The following RBBP7 variants were observed in gnomAD, a reference collection of about 807,000 sequenced individuals.
RBBP7 encodes RB binding protein 7, chromatin remodeling factor, also known as histone-binding protein RBBP7.
RBBP7 carries 5 observed loss-of-function variants against 35.2 expected under a neutral mutation model. That is an observed-to-expected ratio of 0.14 (90% CI 0.07 to 0.30). The LOEUF (loss-of-function observed/expected upper bound fraction) is 0.30. Ranked by LOEUF, RBBP7 falls within the 10% of genes least tolerant of loss-of-function variation. RBBP7 has a pLI of 1.00. For missense variants in RBBP7, 155 were observed against 327.5 expected, an observed-to-expected ratio of 0.47 and a Z score of 4.07; for synonymous variants, 140 against 118.7, an observed-to-expected ratio of 1.18 and a Z score of -1.17.
intron 9 of RBBP7, among the ~76,000 whole-genome samples, chrX:16,851,092 C>A (rs182247299): frequency 9.6e-6 from 1 of 103,936 alleles, no homozygotes; most frequent in Non-Finnish European, 2.0e-5. Flanking sequence ...CCACTGCACT[C>A]CAGCCTGCGT....
chrX:16,851,541 G>A (rs1333231158), intron 9 of RBBP7, among the ~76,000 whole-genome samples: 2 of 111,768 alleles, frequency 1.8e-5, no homozygotes, highest in Admixed American at 9.5e-5. Flanking sequence ...AGGCCCCAGA[G>A]AACATAAGCT....
intron 5 of RBBP7, 48 bp from the exon 6 acceptor site, chrX:16,853,890 T>C (rs1458938138): frequency 1.1e-6 from 1 of 943,232 alleles, no homozygotes. Context: ...TATAAGAGAC[T>C]GATTTTTTTT....
intron 4 of RBBP7, among the ~76,000 whole-genome samples, chrX:16,858,314 C>T (rs1381348342): frequency 8.9e-6 from 1 of 111,826 alleles, no homozygotes; most frequent in African/African-American, 3.3e-5. Context: ...AATGGGCTGC[C>T]CTGGGTAGAG....
At chrX:16,863,450 T>A (rs1014935115) in intron 2 of RBBP7, among the ~76,000 whole-genome samples, 1 of 111,089 alleles carries the variant, frequency 9.0e-6, no homozygotes, top group South Asian at 3.8e-4. Flanking sequence ...CCACCAACAA[T>A]CCCCACACTC....
intron 5 of RBBP7, among the ~76,000 whole-genome samples, chrX:16,855,627 T>C (rs1336589180): frequency 1.8e-5 from 2 of 110,789 alleles, no homozygotes; most frequent in Non-Finnish European, 3.8e-5. Flanking sequence ...CAGCCTGGTC[T>C]CTTCAAAAGG....
intron 11 of RBBP7, among the ~76,000 whole-genome samples, chrX:16,845,410 C>T (rs1322069909): frequency 8.9e-6 from 1 of 112,156 alleles, no homozygotes; most frequent in East Asian, 2.8e-4. Context: ...ATGGAAGTCT[C>T]GGTTAACAAC....
rs751959526 is a variant in RBBP7, at chrX:16,859,817, C to T, written c.308-968G>A. On this transcript the variant is annotated intron_variant, in intron 3 of 11. Coordinates refer to ENST00000380087, the MANE Select transcript of RBBP7 (RefSeq NM_002893.4). The stretch of plus-strand genomic sequence containing the variant: ...TAAAATAGACCGGGGCCTGGAGCAA[C>T]CACCAAAAGGAGCAAACCATTTCTC... Among the ~76,000 whole-genome samples the T allele has an allele frequency of 2.2e-3, 243 of 111,427 alleles. 1 individual carries two copies. The highest frequency in any genetic ancestry group is 7.0e-3 in the African/African-American group (215 of 30,586).
intron 10 of RBBP7, chrX:16,848,040 G>A (rs1292304976): frequency 8.9e-6 from 1 of 112,192 alleles, no homozygotes; most frequent in Middle Eastern, 4.2e-3. Flanking sequence ...TGTACTATGT[G>A]AAAGAATCAG....
At chrX:16,868,484 T>C (rs1216263316) in intron 2 of RBBP7, among the ~76,000 whole-genome samples, 2 of 112,353 alleles carry the variant, frequency 1.8e-5, no homozygotes, top group African/African-American at 6.5e-5. Context: ...TGCCAGGCCC[T>C]GTTCTGAGTG....
intron 4 of RBBP7, 73 bp downstream of exon 4, chrX:16,858,603 T>C: frequency 8.6e-7 from 1 of 1,163,896 alleles, no homozygotes; most frequent in Non-Finnish European, 1.1e-6. Context: ...GTATGCTACT[T>C]TGACCTTAAA....
rs183180619 is a variant in RBBP7, at chrX:16,850,676, G to A, written c.1040+1370C>T. 1.8e-4 allele frequency among the ~76,000 whole-genome samples: 20 copies of A among 112,382 alleles called. No homozygotes were observed. The East Asian group carries it at 5.5e-3, about 31-fold the overall frequency. ...ACATACAAGCATTTTATTCTCCAGC[G>A]TCTCTTCTATATACTGAGGATTACT... On this transcript the variant is annotated intron_variant, in intron 9 of 11. Coordinates refer to ENST00000380087, the MANE Select transcript of RBBP7 (RefSeq NM_002893.4).
chrX:16,852,531 A>C lies in RBBP7; in HGVS notation c.963+20T>G. 8.3e-7 allele frequency: 1 copy of C among 1,201,873 alleles called. No individual in the cohort carries two copies. The highest frequency in any genetic ancestry group is 1.1e-6 in the Non-Finnish European group (1 of 886,235). On this transcript the variant is annotated intron_variant, in intron 8 of 11. Coordinates refer to ENST00000380087, the MANE Select transcript of RBBP7 (RefSeq NM_002893.4). The stretch of plus-strand genomic sequence containing the variant: ...GGATTTCATTTCCTGACATACAGAC[A>C]CCAGAAAACTGTCACATACCTGGAA...
chrX:16,869,337 G>C, intron 1 of RBBP7, 117 bp from the exon 2 acceptor site: 2 of 1,063,570 alleles, frequency 1.9e-6, no homozygotes. Flanking sequence ...CTCTAATTTG[G>C]ACACGGACAA....
At chrX:16,854,985 GT>G (rs150641871) in intron 5 of RBBP7, among the ~76,000 whole-genome samples, 4,517 of 93,800 alleles carry the variant, frequency 0.048, 230 homozygotes, top group African/African-American at 0.14. Context: ...ACTGGTATGG[GT>G]TTTTTTTTTT....
chrX:16,853,550 G>A (rs1297231465), intron 6 of RBBP7, 132 bp downstream of exon 6: 2 of 529,431 alleles, frequency 3.8e-6, no homozygotes, highest in Non-Finnish European at 5.5e-6. Flanking sequence ...TGAGATTACA[G>A]GAGTAAGCTA....
At chrX:16,859,040 C>T (rs891308494) in intron 3 of RBBP7, among the ~76,000 whole-genome samples, 191 bp from the exon 4 acceptor site, 4 of 112,352 alleles carry the variant, frequency 3.6e-5, no homozygotes, top group Non-Finnish European at 7.5e-5. Context: ...TCTTAAAGCC[C>T]ATTTGCACTG....
Position 16,870,141 on chromosome X carries a change from C to T in RBBP7, c.-88G>A, listed in dbSNP as rs1297461718. On this transcript the variant is annotated 5_prime_UTR_variant, in exon 1 of 12. Coordinates refer to ENST00000380087, the MANE Select transcript of RBBP7 (RefSeq NM_002893.4). ...CCGACCGCTGGCGCTCCTGCCTTTC[C>T]CAAGCGCGTCACACTCCCCACTGTC... 206 of 1,005,593 alleles carry T rather than the reference C, an allele frequency of 2.0e-4. No individual in the cohort carries two copies. The highest frequency in any genetic ancestry group is 2.6e-4 in the Non-Finnish European group (202 of 782,219). The allele number at this position is 1,005,593 out of a possible 1,213,427, so 82.9% of individuals were successfully genotyped here.
chrX:16,866,772 G>C (rs1930635548), intron 2 of RBBP7, among the ~76,000 whole-genome samples: 1 of 109,747 alleles, frequency 9.1e-6, no homozygotes, highest in South Asian at 3.9e-4. Context: ...TTACTGTTCT[G>C]TATGGTGATA....
intron 5 of RBBP7, among the ~76,000 whole-genome samples, chrX:16,855,055 T>C (rs372706705): frequency 4.9e-3 from 180 of 37,024 alleles, no homozygotes; most frequent in African/African-American, 0.02. Flanking sequence ...TAAATCACCT[T>C]TTTTTTTTTT....
Sources: allele counts gnomAD v4.1 joint callset (sites outside exome capture counted in the v4.1 genomes callset), GRCh38; gene constraint gnomAD v4.1.1; transcripts MANE v1.5; gene names NCBI Gene and HGNC (gene_info 2026-07-23, HGNC 2026-07-21).